CTNNA3: variants seen among roughly 807,000 people sequenced by gnomAD.
The protein encoded by CTNNA3 is catenin alpha-3.
A neutral mutation model predicts 95.7 loss-of-function variants in CTNNA3; 76 were observed. The ratio of observed to expected loss-of-function variants is 0.79; its 90% CI spans 0.66 to 0.96. CTNNA3 has a LOEUF of 0.96. Among genes scored for constraint, CTNNA3 ranks in the 40% least tolerant of loss-of-function variants. The pLI is 0.00. For missense variants in CTNNA3, 1,191 were observed against 1,089.8 expected, an observed-to-expected ratio of 1.09 and a Z score of -1.31; for synonymous variants, 431 against 374.4, an observed-to-expected ratio of 1.15 and a Z score of -1.74.
chr10:66,222,456 T>C (rs945458640), intron 13 of CTNNA3, among the ~76,000 whole-genome samples: 1 of 152,120 alleles, frequency 6.6e-6, no homozygotes, highest in Non-Finnish European at 1.5e-5. Context: ...ATTTTCTTTT[T>C]CACTCATGTG....
intron 12 of CTNNA3, among the ~76,000 whole-genome samples, chr10:66,331,970 T>C (rs546637968): frequency 5.8e-4 from 88 of 151,990 alleles, no homozygotes; most frequent in Non-Finnish European, 8.7e-4. Flanking sequence ...TATCGTCTTT[T>C]ATTTGGATTC....
chr10:66,982,763 T>C (rs1850513431), intron 7 of CTNNA3, among the ~76,000 whole-genome samples: 1 of 151,986 alleles, frequency 6.6e-6, no homozygotes, highest in Non-Finnish European at 1.5e-5. Context: ...AAGTAGCAAA[T>C]AGATTAAAAT....
At chr10:67,638,773 A>G (rs184253469) in intron 2 of CTNNA3, among the ~76,000 whole-genome samples, 7,185 of 152,124 alleles carry the variant, frequency 0.047, 568 homozygotes, top group African/African-American at 0.16. Flanking sequence ...GGTACATAAC[A>G]AAATGAAGGC....
Position 66,354,314 on chromosome 10 carries a change from T to TAAA in CTNNA3, c.1732+24835_1732+24837dup, listed in dbSNP as rs71466865. Among the ~76,000 whole-genome samples, 208 of 146,594 alleles carry TAAA rather than the reference T, an allele frequency of 1.4e-3. 1 individual carries two copies. Among genetic ancestry groups the TAAA allele is most frequent in the Admixed American group, 3.6e-3 (53 of 14,850 alleles). ...ATAAAAAAAAAAAGTCTATGAACAC[T>TAAA]AAAAAAAAAAATAAGAGTCCCTTGT... On this transcript the variant is annotated intron_variant, in intron 12 of 17. Coordinates refer to ENST00000433211, the MANE Select transcript of CTNNA3 (RefSeq NM_013266.4).
At chr10:67,223,982 T>A (rs1403273347) in intron 5 of CTNNA3, among the ~76,000 whole-genome samples, 1 of 151,844 alleles carries the variant, frequency 6.6e-6, no homozygotes, top group Non-Finnish European at 1.5e-5. Flanking sequence ...ATTGTGTAGA[T>A]TCAAGGTGTA....
At chr10:65,958,795 C>T (rs1024253753) in intron 17 of CTNNA3, among the ~76,000 whole-genome samples, 5 of 152,176 alleles carry the variant, frequency 3.3e-5, no homozygotes, top group African/African-American at 1.2e-4. Context: ...AGGTGTCAGT[C>T]AGCCCCTACT....
At chr10:66,090,037 C>T (rs572343578) in intron 14 of CTNNA3, among the ~76,000 whole-genome samples, 40 of 152,062 alleles carry the variant, frequency 2.6e-4, no homozygotes, top group African/African-American at 9.6e-4. Context: ...ATGCTACATT[C>T]GTGACTACAT....
chr10:67,336,513 T>C (rs2132600473), intron 5 of CTNNA3, among the ~76,000 whole-genome samples: 1 of 152,328 alleles, frequency 6.6e-6, no homozygotes, highest in East Asian at 1.9e-4. Context: ...CAGCATATTA[T>C]CCAGGAGATT....
intron 13 of CTNNA3, among the ~76,000 whole-genome samples, chr10:66,234,364 G>A (rs2089748616): frequency 6.6e-6 from 1 of 152,100 alleles, no homozygotes; most frequent in South Asian, 2.1e-4. Flanking sequence ...GCTCCTTAGA[G>A]TTGAAGATAC....
At chr10:66,173,682 C>CA (rs893993287) in intron 13 of CTNNA3, among the ~76,000 whole-genome samples, 3 of 151,124 alleles carry the variant, frequency 2.0e-5, no homozygotes, top group East Asian at 1.9e-4. Flanking sequence ...GACCCTATCT[C>CA]AAAAAAAATC....
At chr10:66,343,374 C>A (rs1274473706) in intron 12 of CTNNA3, among the ~76,000 whole-genome samples, 1 of 152,076 alleles carries the variant, frequency 6.6e-6, no homozygotes, top group Non-Finnish European at 1.5e-5. Flanking sequence ...CACATATACA[C>A]AATGGAATAC....
chr10:66,633,637 G>A (rs1022596649), intron 9 of CTNNA3, among the ~76,000 whole-genome samples: 3 of 151,924 alleles, frequency 2.0e-5, no homozygotes, highest in Admixed American at 6.6e-5. Context: ...CCGAGATCCT[G>A]CCACTGCACT....
At chr10:66,912,368 A>T (rs1325822182) in intron 7 of CTNNA3, among the ~76,000 whole-genome samples, 1 of 152,208 alleles carries the variant, frequency 6.6e-6, no homozygotes, top group Non-Finnish European at 1.5e-5. Flanking sequence ...GATACAAAAA[A>T]GTAGGAAAAT....
At chr10:66,384,054 C>A (rs1035911568) in intron 11 of CTNNA3, among the ~76,000 whole-genome samples, 2 of 152,076 alleles carry the variant, frequency 1.3e-5, no homozygotes, top group Non-Finnish European at 2.9e-5. Flanking sequence ...GGCAAAATAG[C>A]CAGCGAACAT....
intron 11 of CTNNA3, among the ~76,000 whole-genome samples, chr10:66,386,640 A>G (rs2092894982): frequency 1.3e-5 from 2 of 152,156 alleles, no homozygotes; most frequent in Non-Finnish European, 2.9e-5. Flanking sequence ...CATTGCCAAG[A>G]CAATCCTAAG....
chr10:66,090,276 C>T (rs567436630), intron 14 of CTNNA3, among the ~76,000 whole-genome samples: 8 of 151,996 alleles, frequency 5.3e-5, no homozygotes, highest in Non-Finnish European at 1.0e-4. Flanking sequence ...CCCCAGAAAC[C>T]CTTCTGAAAA....
chr10:67,136,895 A>G (rs974771018), intron 7 of CTNNA3, among the ~76,000 whole-genome samples: 3 of 152,010 alleles, frequency 2.0e-5, no homozygotes, highest in Non-Finnish European at 4.4e-5. Context: ...CATTCAGAGA[A>G]GAAAGAAGAG....
chr10:66,465,790 A>G (rs12220315), intron 11 of CTNNA3, among the ~76,000 whole-genome samples: 6,932 of 152,170 alleles, frequency 0.046, 476 homozygotes, highest in East Asian at 0.32. Flanking sequence ...CAATCTGCAC[A>G]TGGTCCAAGA....
At chr10:67,011,582 T>C (rs2133039694) in intron 7 of CTNNA3, among the ~76,000 whole-genome samples, 2 of 152,304 alleles carry the variant, frequency 1.3e-5, no homozygotes, top group Non-Finnish European at 2.9e-5. Context: ...TTGGTGATAA[T>C]ATAAATGAGT....
Sources: allele counts gnomAD v4.1 joint callset (sites outside exome capture counted in the v4.1 genomes callset), GRCh38; gene constraint gnomAD v4.1.1; transcripts MANE v1.5; gene names NCBI Gene and HGNC (gene_info 2026-07-23, HGNC 2026-07-21).